Variants in LPP observed in about 807,000 individuals in gnomAD.
The protein encoded by LPP is LIM domain containing preferred translocation partner in lipoma.
In LPP, 38 loss-of-function variants were observed where a neutral mutation model predicts 60.4. The observed-to-expected ratio is 0.63, with a 90% CI of 0.49 to 0.83. The LOEUF is 0.83. Ranked by LOEUF, LPP falls within the 40% of genes least tolerant of loss-of-function variation. LPP has a pLI of 0.00. For missense variants in LPP, 902 were observed against 783.6 expected (o/e 1.15, Z -1.80); for synonymous variants, 328 against 290.8 (o/e 1.13, Z -1.30).
chr3:188,219,019 A>C (rs1349069935), intron 1 of LPP, among the ~76,000 whole-genome samples: 3 of 130,722 alleles, frequency 2.3e-5, no homozygotes, highest in Non-Finnish European at 1.6e-5. Flanking sequence ...TCACTTTACC[A>C]GGAAGATGGG....
intron 4 of LPP, among the ~76,000 whole-genome samples, chr3:188,442,048 G>A (rs1358331101): frequency 1.3e-5 from 2 of 152,182 alleles, no homozygotes; most frequent in Non-Finnish European, 2.9e-5. Context: ...TGGCTGGTGG[G>A]CACTAGGTGC....
chr3:188,617,665 A>C (rs1210724107), intron 7 of LPP, among the ~76,000 whole-genome samples: 1 of 152,264 alleles, frequency 6.6e-6, no homozygotes, highest in Non-Finnish European at 1.5e-5. Flanking sequence ...AATGTCTGTG[A>C]ATATTATTTA....
At chr3:188,670,386 A>G (rs1222169143) in intron 7 of LPP, among the ~76,000 whole-genome samples, 1 of 152,064 alleles carries the variant, frequency 6.6e-6, no homozygotes, top group Non-Finnish European at 1.5e-5. Context: ...GGTTTTGCCA[A>G]TGGTCACATA....
intron 1 of LPP, among the ~76,000 whole-genome samples, chr3:188,215,995 T>C (rs984556626): frequency 6.6e-6 from 1 of 152,216 alleles, no homozygotes; most frequent in Non-Finnish European, 1.5e-5. Context: ...AATTTAAAGC[T>C]CACCTCTAGC....
At chr3:188,470,040 C>T (rs1023532309) in intron 4 of LPP, among the ~76,000 whole-genome samples, 2 of 151,990 alleles carry the variant, frequency 1.3e-5, no homozygotes, top group African/African-American at 4.8e-5. Flanking sequence ...TGCTGTTGCT[C>T]TCATTTACAA....
intron 9 of LPP, among the ~76,000 whole-genome samples, chr3:188,841,941 TG>T (rs1461743177): frequency 6.6e-6 from 1 of 152,208 alleles, no homozygotes; most frequent in East Asian, 1.9e-4. Context: ...AAGGAGATTT[TG>T]GGCTGAGACG....
chr3:188,213,961 A>ACACACAC (rs1712363670), intron 1 of LPP, among the ~76,000 whole-genome samples: 2 of 130,324 alleles, frequency 1.5e-5, no homozygotes, highest in African/African-American at 2.8e-5. Context: ...TTAGATTTTA[A>ACACACAC]ACACACACAC....
intron 9 of LPP, among the ~76,000 whole-genome samples, chr3:188,809,345 A>G (rs1750164044): frequency 6.6e-6 from 1 of 151,872 alleles, no homozygotes; most frequent in South Asian, 2.1e-4. Flanking sequence ...GCCAGCATAT[A>G]TTGTTTCTTG....
At chr3:188,593,160 G>GTGTA (rs961877218) in intron 6 of LPP, among the ~76,000 whole-genome samples, 1 of 151,002 alleles carries the variant, frequency 6.6e-6, no homozygotes, top group Non-Finnish European at 1.5e-5. Flanking sequence ...CCTGGTGTGT[G>GTGTA]TGTGTGTGTG....
intron 9 of LPP, among the ~76,000 whole-genome samples, chr3:188,826,487 A>G (rs564237899): frequency 6.6e-6 from 1 of 152,334 alleles, no homozygotes; most frequent in South Asian, 2.1e-4. Context: ...GCAATGCAGA[A>G]TAACTATCAA....
At chr3:188,439,372 G>A (rs1470579933) in intron 4 of LPP, among the ~76,000 whole-genome samples, 3 of 152,242 alleles carry the variant, frequency 2.0e-5, no homozygotes, top group South Asian at 4.1e-4. Flanking sequence ...TCTCAAGAGA[G>A]TTCTAGAAAA....
rs1422676996 is a variant in LPP at position 188,874,370 on chromosome 3, C to G, written c.1730C>G (p.Ser577Cys). 1 of 1,613,838 alleles carries G rather than the reference C, an allele frequency of 6.2e-7. No individual in the cohort carries two copies. Among genetic ancestry groups the G allele is most frequent in the African/African-American group, 1.3e-5 (1 of 74,908 alleles). ...YRCEDCGGLLSEGDNQGCYPL... is the reference protein window; with the variant it reads ...YRCEDCGGLLCEGDNQGCYPL... ...TTCTAGGATTGCGGTGGTCTCCTGT[C>G]TGAAGGAGATAACCAAGGCTGCTAC... The change falls in exon 12 of 12, where the codon TCT becomes TGT. Residue 577 changes from serine to cysteine, a missense_variant. Ser to Cys is a moderately radical substitution (Grantham distance 112, BLOSUM62 -1). Coordinates refer to ENST00000617246, the MANE Select transcript of LPP (RefSeq NM_001375462.1).
At chr3:188,603,350 GTTT>G (rs11308827) in intron 6 of LPP, among the ~76,000 whole-genome samples, 3 of 148,034 alleles carry the variant, frequency 2.0e-5, no homozygotes, top group Admixed American at 6.8e-5. Context: ...GAATTTTGTG[GTTT>G]TTTTTTTTTT....
intron 5 of LPP, among the ~76,000 whole-genome samples, chr3:188,517,248 T>C (rs1397732520): frequency 2.0e-5 from 3 of 152,306 alleles, no homozygotes; most frequent in African/African-American, 7.2e-5. Context: ...CTCCAAAGCT[T>C]TCACCAGTAT....
At chr3:188,240,539 G>C (rs143350743) in intron 2 of LPP, among the ~76,000 whole-genome samples, 1 of 152,238 alleles carries the variant, frequency 6.6e-6, no homozygotes, top group South Asian at 2.1e-4. Context: ...GGAAACTGAT[G>C]TGCCTAGAGT....
At chr3:188,613,340 GTTT>G (rs1309123895) in intron 7 of LPP, among the ~76,000 whole-genome samples, 2 of 113,438 alleles carry the variant, frequency 1.8e-5, no homozygotes, top group East Asian at 4.3e-4. Flanking sequence ...TGGGAGCCAC[GTTT>G]TCTCCAGTAT....
intron 2 of LPP, among the ~76,000 whole-genome samples, chr3:188,309,637 T>C (rs182435926): frequency 7.2e-6 from 1 of 138,904 alleles, no homozygotes; most frequent in Non-Finnish European, 1.5e-5. Flanking sequence ...AATTGAGCAA[T>C]CTCCTTCATA....
intron 3 of LPP, among the ~76,000 whole-genome samples, chr3:188,355,741 G>C (rs1171823586): frequency 6.6e-6 from 1 of 152,288 alleles, no homozygotes; most frequent in Admixed American, 6.5e-5. Context: ...GTGTCAAAGT[G>C]TTCCCACGTT....
chr3:188,439,026 T>G (rs979680641), intron 4 of LPP, among the ~76,000 whole-genome samples: 1 of 152,192 alleles, frequency 6.6e-6, no homozygotes, highest in Non-Finnish European at 1.5e-5. Flanking sequence ...GAGCAAAATC[T>G]TAGTATAGGA....
Sources: gnomAD v4.1 joint callset for allele counts (sites outside exome capture counted in the v4.1 genomes callset) on GRCh38, gnomAD v4.1.1 for gene constraint, MANE v1.5 for transcripts, NCBI Gene and HGNC (gene_info 2026-07-23, HGNC 2026-07-21) for gene names.